ATXN1: variants seen among roughly 807,000 people sequenced by gnomAD.
ATXN1 encodes ataxin 1, also known as ataxin-1.
Under a neutral mutation model 56.4 loss-of-function variants are expected in ATXN1, and 8 were observed. The ratio of observed to expected loss-of-function variants is 0.14; its 90% CI spans 0.08 to 0.26. ATXN1 has a LOEUF of 0.26. Among genes scored for constraint, ATXN1 ranks in the 10% least tolerant of loss-of-function variants. ATXN1 has a pLI of 1.00. For missense variants in ATXN1, 987 were observed against 1,106.5 expected (o/e 0.89, Z 1.53); for synonymous variants, 514 against 494.6 (o/e 1.04, Z -0.52).
intron 6 of ATXN1, among the ~76,000 whole-genome samples, chr6:16,365,470 C>T (rs1434007331): frequency 2.0e-5 from 3 of 152,202 alleles, no homozygotes; most frequent in Non-Finnish European, 4.4e-5. Context: ...TGAGCCACTG[C>T]GCCTGGCCGA....
chr6:16,431,645 C>T (rs1181062127), intron 6 of ATXN1, among the ~76,000 whole-genome samples: 1 of 152,126 alleles, frequency 6.6e-6, no homozygotes, highest in Non-Finnish European at 1.5e-5. Context: ...TTTGCATAGT[C>T]TCTCATTTAA....
chr6:16,456,818 G>A (rs1223804438), intron 6 of ATXN1, among the ~76,000 whole-genome samples: 1 of 152,090 alleles, frequency 6.6e-6, no homozygotes, highest in Non-Finnish European at 1.5e-5. Flanking sequence ...CCCTTCTTTA[G>A]GCACCCAGGC....
At chr6:16,585,608 T>G (rs1053571963) in intron 4 of ATXN1, among the ~76,000 whole-genome samples, 172 bp downstream of exon 4, 3 of 152,178 alleles carry the variant, frequency 2.0e-5, no homozygotes, top group Admixed American at 6.6e-5. Context: ...AAAGCAAGGG[T>G]TCCATTTTTA....
chr6:16,417,710 C>G (rs1758942744), intron 6 of ATXN1, among the ~76,000 whole-genome samples: 1 of 151,970 alleles, frequency 6.6e-6, no homozygotes, highest in Non-Finnish European at 1.5e-5. Flanking sequence ...AGTGCTGGGA[C>G]TATAGGCGTG....
At chr6:16,423,463 A>C (rs1759077323) in intron 6 of ATXN1, among the ~76,000 whole-genome samples, 1 of 152,150 alleles carries the variant, frequency 6.6e-6, no homozygotes, top group African/African-American at 2.4e-5. Context: ...ATGGGCTCGA[A>C]GACTTGTAAC....
chr6:16,475,685 C>T (rs1760312341), intron 6 of ATXN1, among the ~76,000 whole-genome samples: 1 of 151,990 alleles, frequency 6.6e-6, no homozygotes, highest in Non-Finnish European at 1.5e-5. Flanking sequence ...AAATCTGATG[C>T]TGTTAAGTGG....
At chr6:16,681,817 A>C (rs1758817624) in intron 2 of ATXN1, among the ~76,000 whole-genome samples, 1 of 152,224 alleles carries the variant, frequency 6.6e-6, no homozygotes, top group Admixed American at 6.5e-5. Flanking sequence ...GTGCCAGCAA[A>C]ATGTGCAATG....
intron 2 of ATXN1, among the ~76,000 whole-genome samples, chr6:16,674,336 C>CTTTTTTTTTT (rs869081370): frequency 6.4e-5 from 5 of 78,132 alleles, no homozygotes; most frequent in African/African-American, 2.2e-4. Context: ...AGAGAACTTT[C>CTTTTTTTTTT]TTTTTTTTTT....
intron 6 of ATXN1, among the ~76,000 whole-genome samples, chr6:16,456,614 G>A (rs1759880728): frequency 6.6e-6 from 1 of 152,104 alleles, no homozygotes; most frequent in Non-Finnish European, 1.5e-5. Flanking sequence ...AAGTTACATA[G>A]CCCAAACAAG....
intron 5 of ATXN1, among the ~76,000 whole-genome samples, chr6:16,516,043 A>G (rs1761177379): frequency 1.3e-5 from 2 of 152,222 alleles, no homozygotes; most frequent in Admixed American, 1.3e-4. Flanking sequence ...GACAAGGCCA[A>G]TGTCTGGCAG....
At chr6:16,409,133 A>G (rs1758746230) in intron 6 of ATXN1, among the ~76,000 whole-genome samples, 1 of 152,212 alleles carries the variant, frequency 6.6e-6, no homozygotes, top group Non-Finnish European at 1.5e-5. Flanking sequence ...CACAGGATCG[A>G]TATTTCCTGC....
At position 16,474,100 on chromosome 6, in the gene ATXN1, T is replaced by C. The variant is rs564813153; in HGVS notation, c.-161+11872A>G. Among the ~76,000 whole-genome samples the C allele has an allele frequency of 2.6e-5, 4 of 152,338 alleles. No homozygotes were observed. In the South Asian group the frequency reaches 8.3e-4, roughly 32 times the overall value. On this transcript the variant is annotated intron_variant, in intron 6 of 7. Coordinates refer to ENST00000436367, the MANE Select transcript of ATXN1 (RefSeq NM_001128164.2). ...CTTTTTCTTCATGAGACTTCACATATGCCTGACTCCAGCCACTCCAAACTA... is the reference window on the plus strand; with the variant it reads ...CTTTTTCTTCATGAGACTTCACATACGCCTGACTCCAGCCACTCCAAACTA...
At position 16,518,214 on chromosome 6, in the gene ATXN1, G is replaced by A. The variant is rs1284231072; in HGVS notation, c.-299+4413C>T. Among the ~76,000 whole-genome samples, 4 of 152,258 alleles carry A rather than the reference G, an allele frequency of 2.6e-5. No individual in the cohort carries two copies. The East Asian group carries it at 5.8e-4, about 22-fold the overall frequency. On this transcript the variant is annotated intron_variant, in intron 5 of 7. Transcript: ENST00000436367. ...AATATGGCCAGAGCAGGAAGGAAAC[G>A]CCACGCCCCACCCCAGCTTTCTATG...
intron 6 of ATXN1, among the ~76,000 whole-genome samples, chr6:16,340,173 AG>A (rs1409678693): frequency 6.6e-6 from 1 of 152,210 alleles, no homozygotes; most frequent in East Asian, 1.9e-4. Context: ...CCTGCCTCAC[AG>A]AAGTATGTTT....
chr6:16,568,298 G>A (rs1242439699), intron 4 of ATXN1, among the ~76,000 whole-genome samples: 4 of 151,962 alleles, frequency 2.6e-5, no homozygotes, highest in Admixed American at 2.0e-4. Flanking sequence ...TTTTAAGAGA[G>A]AGGCTATCAT....
chr6:16,466,355 T>G (rs1401186727), intron 6 of ATXN1, among the ~76,000 whole-genome samples: 3 of 119,964 alleles, frequency 2.5e-5, no homozygotes, highest in South Asian at 5.3e-4. Flanking sequence ...AAAAAAGGCC[T>G]AAATGTCAGG....
At chr6:16,307,358 A>G (rs1760274073) in intron 7 of ATXN1, among the ~76,000 whole-genome samples, 3 of 152,170 alleles carry the variant, frequency 2.0e-5, no homozygotes, top group African/African-American at 7.2e-5. Flanking sequence ...TTTATCACTG[A>G]GTCCCCAGCC....
intron 3 of ATXN1, among the ~76,000 whole-genome samples, chr6:16,649,953 T>C (rs568717968): frequency 6.6e-6 from 1 of 151,114 alleles, no homozygotes; most frequent in East Asian, 1.9e-4. Context: ...TCTGTTTTGT[T>C]TTTTTTTTTC....
rs548695699 is a variant in ATXN1 at position 16,472,716 on chromosome 6, G to A, written c.-161+13256C>T. 3.5e-4 allele frequency among the ~76,000 whole-genome samples: 54 copies of A among 152,260 alleles called. No individual in the cohort carries two copies. The South Asian group carries it at 5.4e-3, about 15-fold the overall frequency. On this transcript the variant is annotated intron_variant, in intron 6 of 7. Coordinates refer to ENST00000436367, the MANE Select transcript of ATXN1 (RefSeq NM_001128164.2). ...CAGCAAACAAATGCCTGCAGGCTCC[G>A]AGCATGCCCTGGGGTTTTTCAAACC...
Sources: gnomAD v4.1 joint callset for allele counts (sites outside exome capture counted in the v4.1 genomes callset) on GRCh38, gnomAD v4.1.1 for gene constraint, MANE v1.5 for transcripts, NCBI Gene and HGNC (gene_info 2026-07-23, HGNC 2026-07-21) for gene names.